The following ENTPD1 variants were observed in gnomAD, a reference collection of about 807,000 sequenced individuals.
The protein encoded by ENTPD1 is ectonucleoside triphosphate diphosphohydrolase 1, also known as ATP diphosphohydrolase.
A neutral mutation model predicts 57.0 loss-of-function variants in ENTPD1; 33 were observed. The observed-to-expected ratio is 0.58, with a 90% confidence interval of 0.44 to 0.77. The LOEUF (loss-of-function observed/expected upper bound fraction) is 0.77. Among genes scored for constraint, ENTPD1 ranks in the 30% least tolerant of loss-of-function variants. The pLI is 0.00. For synonymous variants in ENTPD1, 202 were observed against 218.8 expected (o/e 0.92, Z 0.68); for missense variants, 501 against 603.4 (o/e 0.83, Z 1.78).
At chr10:95,826,263 A>C (rs1387166618) in intron 2 of ENTPD1, among the ~76,000 whole-genome samples, 1 of 152,126 alleles carries the variant, frequency 6.6e-6, no homozygotes, top group Non-Finnish European at 1.5e-5. Context: ...TAGCTGGGAA[A>C]GACATAGGTA....
Position 95,871,766 on chromosome 10 carries a change from G to C in ENTPD1, c.*5383G>C. 1 of 985,418 alleles carries C rather than the reference G, an allele frequency of 1.0e-6. No individual in the cohort carries two copies. Among genetic ancestry groups the C allele is most frequent in the Non-Finnish European group, 1.2e-6 (1 of 829,928 alleles). 61.0% of individuals were successfully genotyped at this position (985,418 alleles called of 1,614,324 possible). A position where few individuals can be genotyped will look rare whatever the true frequency, so the allele number is the denominator to read the frequency against. On this transcript the variant is annotated 3_prime_UTR_variant, in exon 10 of 10. Transcript: ENST00000371205. ...CCCTCATCAGCACTAGAGTTGACTT[G>C]TTTTTATAACCCCTTTGCATGTATG...
chr10:95,755,540 T>C (rs2098020043), upstream of ENTPD1: 17 of 643,846 alleles, frequency 2.6e-5, no homozygotes, highest in Middle Eastern at 6.9e-4. Flanking sequence ...TGGATGACTT[T>C]CATCAATTCA....
At chr10:95,723,452 A>C (rs1328969626) in intron 1 of ENTPD1, among the ~76,000 whole-genome samples, 1 of 152,174 alleles carries the variant, frequency 6.6e-6, no homozygotes, top group African/African-American at 2.4e-5. Context: ...TACCAGGGAC[A>C]AGACTCTCTG....
rs11312564 is a variant in ENTPD1, at chr10:95,869,241, CTTTTTTTTTTTTTT to C, written c.*2871_*2884del. The C allele has an allele frequency of 1.4e-5, 10 of 699,244 alleles. No homozygotes were observed. The highest frequency in any genetic ancestry group is 1.6e-5 in the Non-Finnish European group (10 of 606,818). 43.3% of individuals were successfully genotyped at this position (699,244 alleles called of 1,614,324 possible). A position where few individuals can be genotyped will look rare whatever the true frequency, so the allele number is the denominator to read the frequency against. On this transcript the variant is annotated 3_prime_UTR_variant, in exon 10 of 10. Coordinates refer to ENST00000371205, the MANE Select transcript of ENTPD1 (RefSeq NM_001776.6). ...GAAAAAAGATCAGCAGAAGTCATTA[CTTTTTTTTTTTTTT>C]TTTTTTTTTTTTGAGAGAGAGTCTC...
chr10:95,734,407 C>G (rs2097992391), intron 1 of ENTPD1, among the ~76,000 whole-genome samples: 1 of 152,182 alleles, frequency 6.6e-6, no homozygotes, highest in South Asian at 2.1e-4. Flanking sequence ...GCATAAAAAA[C>G]AGAGACAAAA....
At chr10:95,737,164 A>G (rs769723640) in intron 1 of ENTPD1, among the ~76,000 whole-genome samples, 28 of 152,312 alleles carry the variant, frequency 1.8e-4, no homozygotes, top group Non-Finnish European at 3.2e-4. Context: ...CTCTGTGTAC[A>G]GTCTACTATT....
chr10:95,828,031 C>T (rs2098383745), intron 2 of ENTPD1, among the ~76,000 whole-genome samples: 1 of 152,054 alleles, frequency 6.6e-6, no homozygotes, highest in African/African-American at 2.4e-5. Flanking sequence ...AGTCAAGGTC[C>T]AAGTCCTGAG....
chr10:95,801,044 A>G (rs1253138647), intron 1 of ENTPD1, among the ~76,000 whole-genome samples: 1 of 152,210 alleles, frequency 6.6e-6, no homozygotes, highest in Non-Finnish European at 1.5e-5. Context: ...AGATTGCAGT[A>G]AAGACAGGCA....
intron 7 of ENTPD1, among the ~76,000 whole-genome samples, chr10:95,857,777 C>T (rs2098457759): frequency 6.6e-6 from 1 of 152,188 alleles, no homozygotes; most frequent in African/African-American, 2.4e-5. Flanking sequence ...GGAAATTCCG[C>T]GCCTGCCATC....
intron 1 of ENTPD1, among the ~76,000 whole-genome samples, chr10:95,727,071 A>T (rs964041852): frequency 2.6e-5 from 4 of 152,154 alleles, no homozygotes; most frequent in African/African-American, 9.6e-5. Flanking sequence ...AGTTGATGAA[A>T]TGCCAATTTG....
chr10:95,814,280 G>A (rs556163316), intron 1 of ENTPD1, among the ~76,000 whole-genome samples: 44 of 152,330 alleles, frequency 2.9e-4, no homozygotes, highest in African/African-American at 1.0e-3. Context: ...AGGGAGGCTA[G>A]AAGGGGTGGG....
chr10:95,845,882 G>T, intron 6 of ENTPD1: 1 of 456,934 alleles, frequency 2.2e-6, no homozygotes. Flanking sequence ...AAAATTATGT[G>T]GTAGAATATT....
intron 2 of ENTPD1, among the ~76,000 whole-genome samples, chr10:95,826,046 A>G (rs554909711): frequency 2.6e-5 from 4 of 152,272 alleles, no homozygotes; most frequent in African/African-American, 7.2e-5. Flanking sequence ...AAAAATATTC[A>G]TTGTCTGTGT....
upstream of ENTPD1, among the ~76,000 whole-genome samples, chr10:95,711,237 G>A (rs997579437): frequency 5.3e-5 from 8 of 152,136 alleles, no homozygotes; most frequent in Admixed American, 6.5e-5. Context: ...CCAGATTGTT[G>A]AAACCCATTC....
At chr10:95,742,503 T>TC (rs1491344577) in intron 1 of ENTPD1, among the ~76,000 whole-genome samples, 2 of 151,492 alleles carry the variant, frequency 1.3e-5, no homozygotes. Context: ...TTAGAAACTT[T>TC]CTTTTTCTTT....
intron 3 of ENTPD1, 52 bp from the exon 4 acceptor site, chr10:95,842,292 A>G: frequency 6.7e-7 from 1 of 1,495,406 alleles, no homozygotes; most frequent in South Asian, 1.1e-5. Context: ...TTGTCAAGGT[A>G]TGTTTTATAA....
intron 1 of ENTPD1, among the ~76,000 whole-genome samples, chr10:95,814,310 T>A (rs1365267122): frequency 6.6e-6 from 1 of 152,126 alleles, no homozygotes; most frequent in East Asian, 1.9e-4. Context: ...GAATGGATGG[T>A]TTGGTTGGAG....
At chr10:95,799,604 A>G (rs1203325692) in intron 1 of ENTPD1, among the ~76,000 whole-genome samples, 1 of 152,042 alleles carries the variant, frequency 6.6e-6, no homozygotes, top group Non-Finnish European at 1.5e-5. Context: ...TGCAGTGAAC[A>G]TATGTGTCTT....
chr10:95,722,767 G>A (rs1034151823), intron 1 of ENTPD1, among the ~76,000 whole-genome samples: 3 of 152,120 alleles, frequency 2.0e-5, no homozygotes, highest in African/African-American at 4.8e-5. Flanking sequence ...AGGTCTGGTC[G>A]GACCTTTGTA....
Sources: allele counts gnomAD v4.1 joint callset (sites outside exome capture counted in the v4.1 genomes callset), GRCh38; gene constraint gnomAD v4.1.1; transcripts MANE v1.5; gene names NCBI Gene and HGNC (gene_info 2026-07-23, HGNC 2026-07-21).